Variants in DPH6 observed in about 807,000 individuals in gnomAD.
DPH6 encodes diphthamine biosynthesis 6.
A neutral mutation model predicts 38.2 loss-of-function variants in DPH6; 33 were observed. The ratio of observed to expected loss-of-function variants is 0.86; its 90% CI spans 0.65 to 1.15. The LOEUF is 1.15. DPH6 is among the 50% of genes most tolerant of loss of function. The pLI, the probability that DPH6 is intolerant of heterozygous loss-of-function variation, is 0.00. For missense variants in DPH6, 325 were observed against 320.0 expected, an observed-to-expected ratio of 1.02 and a Z score of -0.12; for synonymous variants, 108 against 103.0, an observed-to-expected ratio of 1.05 and a Z score of -0.30.
chr15:35,183,367 G>A, the DPH6 span, among the ~76,000 whole-genome samples: 2 of 152,178 alleles, frequency 1.3e-5, no homozygotes, highest in African/African-American at 2.4e-5. Flanking sequence ...TGCTGTTTCA[G>A]CAATTGCGCC....
At chr15:35,168,393 G>T in the DPH6 span, among the ~76,000 whole-genome samples, 1 of 151,948 alleles carries the variant, frequency 6.6e-6, no homozygotes, top group Non-Finnish European at 1.5e-5. Flanking sequence ...TCAGTATATT[G>T]TGTCCAGGAA....
chr15:35,356,963 T>C (rs2052566360), intron 3 of DPH6, among the ~76,000 whole-genome samples: 1 of 152,214 alleles, frequency 6.6e-6, no homozygotes, highest in African/African-American at 2.4e-5. Context: ...TTTGTTTACC[T>C]ACTCAAGCCT....
At chr15:35,395,022 G>A (rs1202559697) in intron 6 of DPH6, among the ~76,000 whole-genome samples, 1 of 152,140 alleles carries the variant, frequency 6.6e-6, no homozygotes, top group Non-Finnish European at 1.5e-5. Flanking sequence ...TAAAAGACAT[G>A]TGCCTTTGGT....
the DPH6 span, among the ~76,000 whole-genome samples, chr15:35,200,746 A>T: frequency 6.6e-6 from 1 of 151,918 alleles, no homozygotes. Flanking sequence ...AGAAAAAAAT[A>T]ATAAAAATAA....
chr15:35,387,202 T>C (rs1019072408), intron 6 of DPH6, among the ~76,000 whole-genome samples: 5 of 152,300 alleles, frequency 3.3e-5, no homozygotes, highest in Admixed American at 2.6e-4. Context: ...TTGGTCTATA[T>C]CTCTGTTTTG....
intron 3 of DPH6, among the ~76,000 whole-genome samples, chr15:35,495,903 A>G (rs1367886950): frequency 3.9e-5 from 6 of 152,356 alleles, no homozygotes; most frequent in Admixed American, 1.3e-4. Flanking sequence ...ACAGATCCAC[A>G]CATATATAGT....
chr15:35,390,330 T>C (rs541369648), intron 6 of DPH6, among the ~76,000 whole-genome samples: 10 of 152,200 alleles, frequency 6.6e-5, no homozygotes, highest in Non-Finnish European at 1.2e-4. Context: ...TTGGAGTTGC[T>C]CTTCTCGAGG....
intron 3 of DPH6, among the ~76,000 whole-genome samples, chr15:35,514,332 C>T (rs1163632673): frequency 6.6e-6 from 1 of 152,048 alleles, no homozygotes; most frequent in East Asian, 1.9e-4. Flanking sequence ...AAAATTTCTA[C>T]ATAAGTATAA....
intron 3 of DPH6, among the ~76,000 whole-genome samples, chr15:35,484,568 G>C (rs1026727123): frequency 4.6e-5 from 7 of 152,350 alleles, no homozygotes; most frequent in African/African-American, 1.7e-4. Flanking sequence ...TTCTTGCCAT[G>C]TGGACCCCTC....
intron 3 of DPH6, among the ~76,000 whole-genome samples, chr15:35,230,741 T>C (rs562020113): frequency 6.6e-6 from 1 of 152,294 alleles, no homozygotes; most frequent in Admixed American, 6.5e-5. Context: ...CTGCCAGGAC[T>C]GAGCCCTTCC....
chr15:35,493,278 C>T (rs2054507460), intron 3 of DPH6, among the ~76,000 whole-genome samples: 2 of 152,058 alleles, frequency 1.3e-5, no homozygotes, highest in South Asian at 4.1e-4. Context: ...AAGCAAACAT[C>T]CACCCACAAA....
the DPH6 span, among the ~76,000 whole-genome samples, chr15:35,204,326 T>C: frequency 6.6e-6 from 1 of 151,828 alleles, no homozygotes; most frequent in East Asian, 1.9e-4. Context: ...AATTTAGAAA[T>C]TTGTTATTGG....
chr15:35,299,170 G>C, intron 3 of DPH6: 1 of 1,333,436 alleles, frequency 7.5e-7, no homozygotes, highest in South Asian at 1.2e-5. Context: ...AAGGGAATCA[G>C]AACTTCCCCT....
rs368919176 is a variant in DPH6, at chr15:35,261,733, G to A, written n.201-41151C>T. 1.8e-4 allele frequency among the ~76,000 whole-genome samples: 27 copies of A among 151,806 alleles called. No individual in the cohort carries two copies. In the East Asian group the frequency reaches 2.7e-3, roughly 15 times the overall value. On this transcript the variant is annotated intron_variant and non_coding_transcript_variant, in intron 3 of 3. Coordinates refer to the DPH6 transcript ENST00000560386. ...TTGTAGTCTCAGCTACTTGAGAGGC[G>A]AAGGTGGAAGGATGGCTTGAGCCCA... is the stretch of plus-strand genomic sequence containing the variant.
rs1042666739 is a variant in DPH6 at position 35,546,142 on chromosome 15, G to A, written c.-1C>T. 5 of 1,399,814 alleles carry A rather than the reference G, an allele frequency of 3.6e-6. No individual in the cohort carries two copies. The African/African-American group carries it at 7.4e-5, about 21-fold the overall frequency. 86.7% of individuals were successfully genotyped at this position (1,399,814 alleles called of 1,614,324 possible). ...ACCTGATCAGAGCCGCGACCCTCATGCTGGGCGCAGTGCGCGTGCGTGCGG... is the reference window on the plus strand; with the variant it reads ...ACCTGATCAGAGCCGCGACCCTCATACTGGGCGCAGTGCGCGTGCGTGCGG... On this transcript the variant is annotated 5_prime_UTR_variant, in exon 1 of 9. Coordinates refer to ENST00000256538, the MANE Select transcript of DPH6 (RefSeq NM_080650.4).
chr15:35,288,492 G>A (rs1011991326), intron 3 of DPH6, among the ~76,000 whole-genome samples: 4 of 151,966 alleles, frequency 2.6e-5, no homozygotes, highest in Non-Finnish European at 5.9e-5. Context: ...TTTTTTTGAG[G>A]TACGTTTACA....
chr15:35,356,804 C>T lies in DPH6; in HGVS notation n.207+16717G>A, dbSNP rs1048441891. 5.9e-5 allele frequency among the ~76,000 whole-genome samples: 9 copies of T among 152,342 alleles called. 1 individual carries two copies. The highest frequency in any genetic ancestry group is 2.2e-4 in the African/African-American group (9 of 41,590). ...ATGCTGGGAGAACCACTACTCTCTT[C>T]AAATCTGTCAGACAGGGACATTTAA... is the stretch of plus-strand genomic sequence containing the variant. On this transcript the variant is annotated intron_variant and non_coding_transcript_variant, in intron 3 of 3. Transcript: ENST00000558973.
At chr15:35,386,021 G>A (rs945837236) in intron 6 of DPH6, among the ~76,000 whole-genome samples, 6 of 151,844 alleles carry the variant, frequency 4.0e-5, no homozygotes, top group African/African-American at 1.2e-4. Context: ...AACAGGCCCC[G>A]GTGTGTGAGG....
At chr15:35,242,011 G>T (rs2140401888) in intron 3 of DPH6, among the ~76,000 whole-genome samples, 1 of 144,108 alleles carries the variant, frequency 6.9e-6, no homozygotes, top group Middle Eastern at 3.5e-3. Context: ...CCATTATTCT[G>T]TTCTGGATCT....
Sources: gnomAD v4.1 joint callset for allele counts (sites outside exome capture counted in the v4.1 genomes callset) on GRCh38, gnomAD v4.1.1 for gene constraint, MANE v1.5 for transcripts, NCBI Gene and HGNC (gene_info 2026-07-23, HGNC 2026-07-21) for gene names.